Variants in PTK2B observed in about 807,000 individuals in gnomAD.
PTK2B encodes the protein protein-tyrosine kinase 2-beta.
PTK2B carries 71 observed loss-of-function variants against 142.9 expected under a neutral mutation model. The ratio of observed to expected loss-of-function variants is 0.50; its 90% confidence interval spans 0.41 to 0.61. PTK2B has a LOEUF of 0.61. Among genes scored for constraint, PTK2B ranks in the 20% least tolerant of loss-of-function variants. The pLI, the probability that PTK2B is intolerant of heterozygous loss-of-function variation, is 0.00. For missense variants in PTK2B, 1,105 were observed against 1,320.4 expected, an observed-to-expected ratio of 0.84 and a Z score of 2.53; for synonymous variants, 519 against 503.4, an observed-to-expected ratio of 1.03 and a Z score of -0.42.
chr8:27,449,540 A>G (rs551364714), intron 24 of PTK2B, among the ~76,000 whole-genome samples: 1 of 152,368 alleles, frequency 6.6e-6, no homozygotes, highest in East Asian at 1.9e-4. Flanking sequence ...CCTGTATGCA[A>G]ATGGCCACTT....
In PTK2B at chr8:27,434,149, G is replaced by A; in HGVS notation, c.1145+17G>A. 1.2e-6 allele frequency: 2 copies of A among 1,612,968 alleles called. No homozygotes were observed. The highest frequency in any genetic ancestry group is 1.7e-6 in the Non-Finnish European group (2 of 1,178,910). Reference sequence around the variant, plus strand: ...CCCCATGCTGTGAGTACAATGGGGTGCAGAGGACAGGGCCCTGAGCTCAGC... The same window carrying A: ...CCCCATGCTGTGAGTACAATGGGGTACAGAGGACAGGGCCCTGAGCTCAGC... On this transcript the variant is annotated intron_variant, in intron 12 of 30. Coordinates refer to ENST00000346049, the MANE Select transcript of PTK2B (RefSeq NM_173176.3).
chr8:27,384,556 A>G (rs1807224653), intron 1 of PTK2B, among the ~76,000 whole-genome samples: 1 of 152,354 alleles, frequency 6.6e-6, no homozygotes, highest in Middle Eastern at 3.4e-3. Flanking sequence ...CCTAGAGAAT[A>G]GATCTTAAGT....
intron 1 of PTK2B, among the ~76,000 whole-genome samples, chr8:27,357,816 A>T (rs979591311): frequency 2.0e-5 from 3 of 152,242 alleles, no homozygotes; most frequent in African/African-American, 7.2e-5. Context: ...TCAAGTGCCT[A>T]ATCTGTGCCA....
intron 1 of PTK2B, among the ~76,000 whole-genome samples, chr8:27,333,952 C>G (rs1803907390): frequency 6.6e-6 from 1 of 152,072 alleles, no homozygotes; most frequent in African/African-American, 2.4e-5. Flanking sequence ...TAAACTCCTC[C>G]TTTTCTCACG....
rs375407456 is a variant in PTK2B at position 27,397,562 on chromosome 8, G to A, written c.-23G>A. On this transcript the variant is annotated 5_prime_UTR_variant, in exon 2 of 31. Transcript: ENST00000346049. Reference sequence around the variant, plus strand: ...TGTCTCTGCAGGACTGCAATGTGCCGATCTTAGCTGCTGCCTGAGAGGATG... The same window carrying A: ...TGTCTCTGCAGGACTGCAATGTGCCAATCTTAGCTGCTGCCTGAGAGGATG... 6.5e-5 allele frequency: 104 copies of A among 1,611,260 alleles called. 1 individual carries two copies. In the African/African-American group the frequency reaches 6.5e-4, roughly 10 times the overall value.
intron 1 of PTK2B, among the ~76,000 whole-genome samples, chr8:27,388,274 A>G (rs981385242): frequency 2.6e-5 from 4 of 152,230 alleles, no homozygotes; most frequent in Non-Finnish European, 5.9e-5. Flanking sequence ...TGAGATTTGC[A>G]GGAGTTGGAG....
chr8:27,370,465 C>G (rs1191866998), intron 1 of PTK2B, among the ~76,000 whole-genome samples: 1 of 152,214 alleles, frequency 6.6e-6, no homozygotes, highest in Non-Finnish European at 1.5e-5. Context: ...GCATATCACT[C>G]ACCTCCTCTG....
chr8:27,350,884 G>A (rs1429903705), intron 1 of PTK2B, among the ~76,000 whole-genome samples: 5 of 147,968 alleles, frequency 3.4e-5, no homozygotes, highest in Admixed American at 3.4e-4. Flanking sequence ...GCTGAGGCAG[G>A]AGAATTGCTT....
intron 2 of PTK2B, among the ~76,000 whole-genome samples, 189 bp downstream of exon 2, chr8:27,397,977 C>G (rs1230623781): frequency 2.6e-5 from 4 of 152,230 alleles, no homozygotes; most frequent in Admixed American, 6.5e-5. Context: ...CATACTACTT[C>G]TCTAGGAGCC....
intron 1 of PTK2B, among the ~76,000 whole-genome samples, chr8:27,378,770 T>C (rs759112029): frequency 1.3e-5 from 2 of 152,098 alleles, no homozygotes; most frequent in African/African-American, 2.4e-5. Flanking sequence ...ACCTGCTTCA[T>C]CTTATCCCCC....
chr8:27,320,988 T>TTTTTTTTTTTTTTTA (rs1803201214), upstream of PTK2B, among the ~76,000 whole-genome samples: 1 of 116,350 alleles, frequency 8.6e-6, no homozygotes, highest in East Asian at 2.5e-4. Context: ...GGCTTTTTTT[T>TTTTTTTTTTTTTTTA]TTTTTTTTTT....
intron 2 of PTK2B, among the ~76,000 whole-genome samples, chr8:27,417,278 T>C (rs1809456516): frequency 1.3e-5 from 2 of 152,240 alleles, no homozygotes; most frequent in Non-Finnish European, 2.9e-5. Context: ...ATTTCTGATA[T>C]ATGCAACAAC....
rs554131961 is a variant in PTK2B at position 27,311,873 on chromosome 8, T to C, written c.-581+164T>C. On this transcript the variant is annotated intron_variant, in intron 1 of 35. Transcript: ENST00000397501. ...GAGCTCCGAGAAAACCTGATTCTTG[T>C]CCTGTGGTTGAAAAAGTGAACAGGT... 2.0e-5 allele frequency among the ~76,000 whole-genome samples: 3 copies of C among 152,156 alleles called. No individual in the cohort carries two copies. The South Asian group carries it at 6.2e-4, about 32-fold the overall frequency.
intron 1 of PTK2B, among the ~76,000 whole-genome samples, chr8:27,385,892 C>CAAAAAAA (rs71553856): frequency 2.7e-5 from 3 of 110,004 alleles, no homozygotes; most frequent in Non-Finnish European, 3.5e-5. Flanking sequence ...GATTCCGTCT[C>CAAAAAAA]AAAAAAAAAA....
chr8:27,435,902 T>G, intron 14 of PTK2B, 109 bp downstream of exon 14: 1 of 1,377,488 alleles, frequency 7.3e-7, no homozygotes, highest in South Asian at 1.2e-5. Flanking sequence ...TTATCCTCCC[T>G]TCGTGCTAGA....
intron 1 of PTK2B, among the ~76,000 whole-genome samples, chr8:27,391,538 CAAG>C (rs1807728823): frequency 6.6e-6 from 1 of 152,178 alleles, no homozygotes; most frequent in African/African-American, 2.4e-5. Context: ...TCTTCAAAGG[CAAG>C]AGTTAAGTTT....
At chr8:27,427,568 A>C (rs1433601122) in intron 5 of PTK2B, among the ~76,000 whole-genome samples, 2 of 152,216 alleles carry the variant, frequency 1.3e-5, no homozygotes, top group African/African-American at 2.4e-5. Flanking sequence ...TGTGTACAGC[A>C]AGCCAATGTG....
chr8:27,432,034 T>G (rs913751811), intron 9 of PTK2B: 2 of 478,902 alleles, frequency 4.2e-6, no homozygotes, highest in Non-Finnish European at 7.5e-6. Context: ...TAGTGTATTT[T>G]ATGTGTGGTC....
intron 3 of PTK2B, among the ~76,000 whole-genome samples, chr8:27,320,278 A>T (rs554063131): frequency 6.6e-6 from 1 of 152,122 alleles, no homozygotes; most frequent in South Asian, 2.1e-4. Context: ...TGGCCATGAG[A>T]CAAGGACCCC....
Sources: gnomAD v4.1 joint callset for allele counts (sites outside exome capture counted in the v4.1 genomes callset) on GRCh38, gnomAD v4.1.1 for gene constraint, MANE v1.5 for transcripts, NCBI Gene and HGNC (gene_info 2026-07-23, HGNC 2026-07-21) for gene names.